The following SPMIP2 variants were observed in gnomAD, a reference collection of about 807,000 sequenced individuals.
SPMIP2 encodes sperm microtubule inner protein 2.
At chr4:159,055,592 CCCAG>C in the SPMIP2 span, among the ~76,000 whole-genome samples, 3 of 151,980 alleles carry the variant, frequency 2.0e-5, no homozygotes, top group African/African-American at 7.3e-5. Flanking sequence ...TGCCTGTAGT[CCCAG>C]CTAATTGAGG....
At chr4:158,960,154 G>A in the SPMIP2 span, 488 of 592,302 alleles carry the variant, frequency 8.2e-4, 1 homozygote, top group Admixed American at 2.7e-3. Flanking sequence ...ATAAAAATTC[G>A]TAAATTTATC....
the SPMIP2 span, among the ~76,000 whole-genome samples, chr4:158,976,818 C>G: frequency 6.6e-6 from 1 of 151,922 alleles, no homozygotes; most frequent in Non-Finnish European, 1.5e-5. Context: ...CACACCACCA[C>G]GCCCAGCTAA....
At chr4:159,022,357 A>G in the SPMIP2 span, among the ~76,000 whole-genome samples, 1,420 of 152,292 alleles carry the variant, frequency 9.3e-3, 17 homozygotes, top group African/African-American at 0.032. Context: ...ATACATGCTA[A>G]TTTCAATAAT....
the SPMIP2 span, among the ~76,000 whole-genome samples, chr4:159,000,833 T>C: frequency 2.6e-5 from 4 of 152,176 alleles, no homozygotes; most frequent in African/African-American, 9.7e-5. Flanking sequence ...ATCATCCAAA[T>C]TGTAACATGT....
the SPMIP2 span, among the ~76,000 whole-genome samples, chr4:159,075,342 C>T: frequency 1.3e-5 from 2 of 152,080 alleles, no homozygotes; most frequent in Non-Finnish European, 1.5e-5. Flanking sequence ...AGATATTATC[C>T]GTGATATTCA....
chr4:158,943,207 C>A, the SPMIP2 span, among the ~76,000 whole-genome samples: 38 of 152,218 alleles, frequency 2.5e-4, no homozygotes, highest in Admixed American at 3.9e-4. Context: ...TAATATCAGG[C>A]CTTTAAAGCA....
At chr4:159,053,071 C>T in the SPMIP2 span, among the ~76,000 whole-genome samples, 1 of 147,868 alleles carries the variant, frequency 6.8e-6, no homozygotes, top group East Asian at 2.0e-4. Context: ...ATTCTCCTGC[C>T]TCAGCCTCCC....
chr4:158,911,224 T>C, the SPMIP2 span, among the ~76,000 whole-genome samples: 1 of 152,118 alleles, frequency 6.6e-6, no homozygotes, highest in South Asian at 2.1e-4. Context: ...TTCCAGTGCC[T>C]GTAATCCCAG....
the SPMIP2 span, among the ~76,000 whole-genome samples, chr4:158,909,980 T>C: frequency 6.6e-6 from 1 of 152,026 alleles, no homozygotes; most frequent in South Asian, 2.1e-4. Flanking sequence ...AGGCAGAGGT[T>C]GCAGTGAGCT....
the SPMIP2 span, among the ~76,000 whole-genome samples, chr4:159,042,278 G>A: frequency 1.2e-4 from 19 of 152,164 alleles, no homozygotes; most frequent in Non-Finnish European, 2.4e-4. Flanking sequence ...AGATGCCCAC[G>A]CTTCCCTCTT....
At chr4:159,056,593 G>A in the SPMIP2 span, among the ~76,000 whole-genome samples, 2 of 152,148 alleles carry the variant, frequency 1.3e-5, no homozygotes, top group African/African-American at 4.8e-5. Flanking sequence ...CGTGACTCTT[G>A]CATGCAGCAA....
At chr4:158,895,930 C>T in the SPMIP2 span, 28 of 1,209,568 alleles carry the variant, frequency 2.3e-5, no homozygotes, top group East Asian at 2.7e-4. Context: ...TACCCACTAA[C>T]GTGTTTAGCC....
At chr4:158,948,791 G>A in the SPMIP2 span, among the ~76,000 whole-genome samples, 1 of 151,856 alleles carries the variant, frequency 6.6e-6, no homozygotes, top group East Asian at 1.9e-4. Context: ...TTTTTGTAGA[G>A]ATGGATCTCA....
At chr4:158,962,424 AG>A in the SPMIP2 span, among the ~76,000 whole-genome samples, 10 of 152,198 alleles carry the variant, frequency 6.6e-5, no homozygotes, top group Non-Finnish European at 1.5e-5. Flanking sequence ...TCTCACCCAT[AG>A]AACGAATACA....
the SPMIP2 span, among the ~76,000 whole-genome samples, chr4:159,050,350 TA>T: frequency 6.7e-6 from 1 of 149,558 alleles, no homozygotes; most frequent in Non-Finnish European, 1.5e-5. Flanking sequence ...GCATTTTTAA[TA>T]AATATGTCTG....
the SPMIP2 span, among the ~76,000 whole-genome samples, chr4:159,062,697 G>GTCTCTCTCTCTCTCTCTCTATCTCTCTC: frequency 1.1e-5 from 1 of 95,112 alleles, no homozygotes; most frequent in African/African-American, 3.6e-5. Flanking sequence ...TTGAAACAGG[G>GTCTCTCTCTCTCTCTCTCTATCTCTCTC]TCTCTCTCTC....
chr4:158,905,441 C>G, the SPMIP2 span: 5 of 152,212 alleles, frequency 3.3e-5, no homozygotes, highest in African/African-American at 1.2e-4. Flanking sequence ...CCACTTTTTC[C>G]TTATAGTTAA....
the SPMIP2 span, among the ~76,000 whole-genome samples, chr4:158,911,818 G>T: frequency 6.6e-6 from 1 of 152,194 alleles, no homozygotes; most frequent in East Asian, 1.9e-4. Flanking sequence ...GGAAAAGAAT[G>T]TATCAGTCAC....
the SPMIP2 span, among the ~76,000 whole-genome samples, chr4:158,988,140 A>G: frequency 6.6e-6 from 1 of 152,204 alleles, no homozygotes; most frequent in Non-Finnish European, 1.5e-5. Flanking sequence ...TAGAAAATCT[A>G]GAAGAAATGG....
Sources: allele counts gnomAD v4.1 joint callset (sites outside exome capture counted in the v4.1 genomes callset), GRCh38; gene constraint gnomAD v4.1.1; transcripts MANE v1.5; gene names NCBI Gene and HGNC (gene_info 2026-07-23, HGNC 2026-07-21).